Variants in UTF1 observed in about 807,000 individuals in gnomAD.
UTF1 encodes the protein undifferentiated embryonic cell transcription factor 1.
UTF1 carries 8 observed loss-of-function variants against 11.8 expected under a neutral mutation model. The ratio of observed to expected loss-of-function variants is 0.68; its 90% CI spans 0.40 to 1.23. The LOEUF is 1.23. UTF1 is among the 50% of genes most tolerant of loss of function. The pLI is 0.01. For synonymous variants in UTF1, 344 were observed against 271.7 expected, an observed-to-expected ratio of 1.27 and a Z score of -2.62; for missense variants, 545 against 542.1, an observed-to-expected ratio of 1.01 and a Z score of -0.05.
Position 133,231,316 on chromosome 10 carries a change from G to C in UTF1, c.900G>C (p.Leu300=), listed in dbSNP as rs747299259. The C allele has an allele frequency of 8.8e-6, 14 of 1,598,340 alleles. No individual in the cohort carries two copies. Among genetic ancestry groups the C allele is most frequent in the Admixed American group, 1.7e-5 (1 of 58,986 alleles). ...TCCTGGGCCCGCTGCGCGACCAGCT[G>C]CTGACCTTGAACCAGCACGTGGAGC... ...ANILGPLRDQ[L]LTLNQHVEQL... is the part of the protein sequence containing the mutation. Residue 300 remains leucine (L), a synonymous_variant, in exon 2 of 2, where the codon CTG becomes CTC. Transcript: ENST00000304477.
In UTF1 at chr10:133,230,579, C is replaced by T. The variant is rs1427896629; in HGVS notation, c.291C>T (p.Arg97=). ...GCCAGGCCCTGCCCACCTACCGCCG[C>T]GTGTCGGCCGCGCTGGCCCAGCAGC... ...DRRQALPTYR[R]VSAALAQQQV... is the part of the protein sequence containing the mutation. The change falls in exon 1 of 2, where the codon CGC becomes CGT. Residue 97 remains arginine, a synonymous_variant. Transcript: ENST00000304477. 3 of 1,406,456 alleles carry T rather than the reference C, an allele frequency of 2.1e-6. No homozygotes were observed. Among genetic ancestry groups the T allele is most frequent in the Non-Finnish European group, 2.8e-6 (3 of 1,085,648 alleles). 87.1% of individuals were successfully genotyped at this position (1,406,456 alleles called of 1,614,324 possible).
chr10:133,231,233 C>A lies in UTF1; in HGVS notation c.817C>A (p.Pro273Thr), dbSNP rs749598849. 3.2e-4 allele frequency: 492 copies of A among 1,538,986 alleles called. No homozygotes were observed. The highest frequency in any genetic ancestry group is 3.9e-4 in the Non-Finnish European group (446 of 1,148,940). The stretch of plus-strand genomic sequence containing the variant: ...CTGCGCGCCCCCTCCGGCCGCGCCC[C>A]CGTCGCTGAACACCGCCCTGCTGCA... ...EDCAPPPAAP[P>T]SLNTALLQTL... The change falls in exon 2 of 2, where the codon CCG (proline) becomes ACG (threonine). Residue 273 changes from proline to threonine, a missense_variant. By Grantham distance (38) the Pro-to-Thr change is conservative. Coordinates refer to ENST00000304477, the MANE Select transcript of UTF1 (RefSeq NM_003577.3).
Position 133,230,663 on chromosome 10 carries a change from T to C in UTF1, c.375T>C (p.Phe125=). Residue 125 remains phenylalanine, a synonymous_variant, in exon 1 of 2, where the codon TTT becomes TTC. Coordinates refer to ENST00000304477, the MANE Select transcript of UTF1 (RefSeq NM_003577.3). ...RRRYKFLKDK[F]REAHGQPPGP... ...GCTACAAGTTCCTTAAAGACAAGTT[T>C]CGCGAGGCGCACGGCCAGCCGCCCG... is the stretch of plus-strand genomic sequence containing the variant. 1 of 1,489,066 alleles carries C rather than the reference T, an allele frequency of 6.7e-7. No individual in the cohort carries two copies. Among genetic ancestry groups the C allele is most frequent in the South Asian group, 1.3e-5 (1 of 78,680 alleles). 92.2% of individuals were successfully genotyped at this position (1,489,066 alleles called of 1,614,324 possible). A position where few individuals can be genotyped will look rare whatever the true frequency, so the allele number is the denominator to read the frequency against.
At position 133,231,507 on chromosome 10, in the gene UTF1, C is replaced by A; in HGVS notation, c.*65C>A. 1 of 1,239,100 alleles carries A rather than the reference C, an allele frequency of 8.1e-7. No homozygotes were observed. The highest frequency in any genetic ancestry group is 1.1e-6 in the Non-Finnish European group (1 of 938,920). The allele number at this position is 1,239,100 out of a possible 1,614,324, so 76.8% of individuals were successfully genotyped here. On this transcript the variant is annotated 3_prime_UTR_variant, in exon 2 of 2. Transcript: ENST00000304477. ...CCCTCCGCCCTGACCCCTCCTGCTGCCTTCCCACCCCCGTTCTTGGGTATG... is the reference window on the plus strand; with the variant it reads ...CCCTCCGCCCTGACCCCTCCTGCTGACTTCCCACCCCCGTTCTTGGGTATG...
chr10:133,230,434 T>C lies in UTF1; in HGVS notation c.146T>C (p.Leu49Pro). 7.2e-7 allele frequency: 1 copy of C among 1,387,420 alleles called. No individual in the cohort carries two copies. The highest frequency in any genetic ancestry group is 9.4e-7 in the Non-Finnish European group (1 of 1,068,210). 85.9% of individuals were successfully genotyped at this position (1,387,420 alleles called of 1,614,324 possible). A position where few individuals can be genotyped will look rare whatever the true frequency, so the allele number is the denominator to read the frequency against. The change falls in exon 1 of 2, where the codon CTC becomes CCC. Residue 49 changes from leucine to proline, a missense_variant. Leu to Pro is a moderately conservative substitution (Grantham distance 98). This residue lies in a region of UTF1 where 129 missense variants were observed against 148.5 expected (regional missense o/e 0.87). Coordinates refer to ENST00000304477, the MANE Select transcript of UTF1 (RefSeq NM_003577.3). ...RPASPSALGE[L>P]GLPVSPGSAQ... ...GCCTCGCCCAGCGCGCTGGGGGAAC[T>C]CGGGTTGCCGGTGTCCCCGGGCTCG... is the stretch of plus-strand genomic sequence containing the variant.
rs1181836201 is a variant in UTF1, at chr10:133,231,042, C to G, written c.626C>G (p.Pro209Arg). Residue 209 changes from proline (P) to arginine (R), a missense_variant, in exon 2 of 2, where the codon CCG becomes CGG. By Grantham distance (103) the Pro-to-Arg change is moderately radical. Coordinates refer to ENST00000304477, the MANE Select transcript of UTF1 (RefSeq NM_003577.3). ...ACGCTCCGCTTCAGCCCGTCCCCAC[C>G]GAAGTCTGCGGACGCCTCCCCCGCC... ...TWTLRFSPSP[P>R]KSADASPAPG... The G allele has an allele frequency of 1.5e-6, 2 of 1,312,304 alleles. No homozygotes were observed. Among genetic ancestry groups the G allele is most frequent in the Non-Finnish European group, 1.9e-6 (2 of 1,035,694 alleles). 81.3% of individuals were successfully genotyped at this position (1,312,304 alleles called of 1,614,324 possible).
In UTF1 at chr10:133,230,382, GC is replaced by G. The variant is rs1294482606; in HGVS notation, c.98del (p.Pro33ArgfsTer243). 3 of 1,263,340 alleles carry G rather than the reference GC, an allele frequency of 2.4e-6. No individual in the cohort carries two copies. Among genetic ancestry groups the G allele is most frequent in the Non-Finnish European group, 2.0e-6 (2 of 1,001,766 alleles). 78.3% of individuals were successfully genotyped at this position (1,263,340 alleles called of 1,614,324 possible). A position where few individuals can be genotyped will look rare whatever the true frequency, so the allele number is the denominator to read the frequency against. ...PDPEPRTPGD[A>X]PGTPPRRPAS... ...CCCCGAGCCGCGGACACCCGGAGAC[GC>G]CCCGGGGACCCCGCCCCGGAGGCCC... On this transcript the variant is annotated frameshift_variant, in exon 1 of 2. Transcript: ENST00000304477. LOFTEE classifies it high-confidence loss of function.
In UTF1 at chr10:133,231,121, G is replaced by C; in HGVS notation, c.705G>C (p.Glu235Asp). The change falls in exon 2 of 2, where the codon GAG (glutamate) becomes GAC (aspartate). Residue 235 changes from glutamate to aspartate, a missense_variant. Glu to Asp is a conservative substitution (Grantham distance 45, BLOSUM62 2). Coordinates refer to ENST00000304477, the MANE Select transcript of UTF1 (RefSeq NM_003577.3). ...APTALATCIP[E>D]DRAPVRGPGS... ...CCGCCCTCGCCACCTGCATCCCCGA[G>C]GACCGCGCGCCCGTCCGCGGCCCCG... 2.4e-6 allele frequency: 3 copies of C among 1,244,078 alleles called. No homozygotes were observed. The highest frequency in any genetic ancestry group is 3.0e-6 in the Non-Finnish European group (3 of 998,280). The allele number at this position is 1,244,078 out of a possible 1,614,324, so 77.1% of individuals were successfully genotyped here.
In UTF1 at chr10:133,230,820, C is replaced by G. The variant is rs1368293922; in HGVS notation, c.532C>G (p.Pro178Ala). 1.1e-5 allele frequency: 14 copies of G among 1,309,926 alleles called. No individual in the cohort carries two copies. Among genetic ancestry groups the G allele is most frequent in the Non-Finnish European group, 1.3e-5 (14 of 1,038,130 alleles). The allele number at this position is 1,309,926 out of a possible 1,614,324, so 81.1% of individuals were successfully genotyped here. A position where few individuals can be genotyped will look rare whatever the true frequency, so the allele number is the denominator to read the frequency against. ...CCGCCCGGTCCCCAACGCGCACGCG[C>G]CGGCTCCCAGCGAACCAGGTAGGCG... ...ARRPVPNAHA[P>A]APSEPDATPL... is the part of the protein sequence containing the mutation. Residue 178 changes from proline to alanine, a missense_variant, in exon 1 of 2, where the codon CCG (proline) becomes GCG (alanine). Around this residue, in one of 3 missense-constraint regions of UTF1, gnomAD observed 394 missense variants for 341.5 expected, o/e 1.15. Transcript: ENST00000304477.
Position 133,231,120 on chromosome 10 carries a change from A to G in UTF1, c.704A>G (p.Glu235Gly). The G allele has an allele frequency of 8.3e-7, 1 of 1,210,738 alleles. No homozygotes were observed. The highest frequency in any genetic ancestry group is 1.0e-6 in the Non-Finnish European group (1 of 979,904). The allele number at this position is 1,210,738 out of a possible 1,614,324, so 75.0% of individuals were successfully genotyped here. Residue 235 changes from glutamate to glycine, a missense_variant, in exon 2 of 2, where the codon GAG becomes GGG. By Grantham distance (98) the Glu-to-Gly change is moderately conservative. Around this residue, in one of 3 missense-constraint regions of UTF1, gnomAD observed 394 missense variants for 341.5 expected, o/e 1.15. Coordinates refer to ENST00000304477, the MANE Select transcript of UTF1 (RefSeq NM_003577.3). Reference protein sequence around the residue: ...APTALATCIPEDRAPVRGPGS... With the variant: ...APTALATCIPGDRAPVRGPGS... ...ACCGCCCTCGCCACCTGCATCCCCG[A>G]GGACCGCGCGCCCGTCCGCGGCCCC...
In UTF1 at chr10:133,230,423, G is replaced by A; in HGVS notation, c.135G>A (p.Ala45=). 7.3e-7 allele frequency: 1 copy of A among 1,373,030 alleles called. No homozygotes were observed. Among genetic ancestry groups the A allele is most frequent in the South Asian group, 1.5e-5 (1 of 65,662 alleles). The allele number at this position is 1,373,030 out of a possible 1,614,324, so 85.1% of individuals were successfully genotyped here. A position where few individuals can be genotyped will look rare whatever the true frequency, so the allele number is the denominator to read the frequency against. Residue 45 remains alanine, a synonymous_variant, in exon 1 of 2, where the codon GCG becomes GCA. Coordinates refer to ENST00000304477, the MANE Select transcript of UTF1 (RefSeq NM_003577.3). ...TPPRRPASPS[A]LGELGLPVSP... ...CCCGGAGGCCCGCCTCGCCCAGCGC[G>A]CTGGGGGAACTCGGGTTGCCGGTGT...
chr10:133,231,473 G>C lies in UTF1; in HGVS notation c.*31G>C. 7.1e-7 allele frequency: 1 copy of C among 1,406,174 alleles called. No homozygotes were observed. Among genetic ancestry groups the C allele is most frequent in the Non-Finnish European group, 9.3e-7 (1 of 1,079,036 alleles). The allele number at this position is 1,406,174 out of a possible 1,614,324, so 87.1% of individuals were successfully genotyped here. A position where few individuals can be genotyped will look rare whatever the true frequency, so the allele number is the denominator to read the frequency against. ...GGCTGCGGCCAGTCTCCCCTCTCCA[G>C]GCCGAGGCCCCTCCGCCCTGACCCC... On this transcript the variant is annotated 3_prime_UTR_variant, in exon 2 of 2. Transcript: ENST00000304477.
In UTF1 at chr10:133,231,170, C is replaced by T. The variant is rs1308632315; in HGVS notation, c.754C>T (p.Arg252Cys). The change falls in exon 2 of 2, where the codon CGC becomes TGC. Residue 252 changes from arginine to cysteine, a missense_variant. This residue lies in a region of UTF1 where 394 missense variants were observed against 341.5 expected (regional missense o/e 1.15). Transcript: ENST00000304477. ...CGGGTCCCCGCCGCCACCCCCGGCC[C>T]GCGAAGACCCCGACTCGCCGCCCGG... Reference protein sequence around the residue: ...GPGSPPPPPAREDPDSPPGRP... With the variant: ...GPGSPPPPPACEDPDSPPGRP... 2 of 1,301,618 alleles carry T rather than the reference C, an allele frequency of 1.5e-6. No individual in the cohort carries two copies. Among genetic ancestry groups the T allele is most frequent in the South Asian group, 2.3e-5 (1 of 42,696 alleles). 80.6% of individuals were successfully genotyped at this position (1,301,618 alleles called of 1,614,324 possible).
rs1437738789 is a variant in UTF1, at chr10:133,230,405, G to A, written c.117G>A (p.Arg39=). The change falls in exon 1 of 2, where the codon AGG becomes AGA. Residue 39 remains arginine (R), a synonymous_variant. Coordinates refer to ENST00000304477, the MANE Select transcript of UTF1 (RefSeq NM_003577.3). The part of the protein sequence containing the change: ...PGDAPGTPPR[R]PASPSALGEL... ...ACGCCCCGGGGACCCCGCCCCGGAG[G>A]CCCGCCTCGCCCAGCGCGCTGGGGG... is the stretch of plus-strand genomic sequence containing the variant. 3 of 1,325,200 alleles carry A rather than the reference G, an allele frequency of 2.3e-6. No homozygotes were observed. The highest frequency in any genetic ancestry group is 3.4e-5 in the East Asian group (1 of 29,228). The allele number at this position is 1,325,200 out of a possible 1,614,324, so 82.1% of individuals were successfully genotyped here. A position where few individuals can be genotyped will look rare whatever the true frequency, so the allele number is the denominator to read the frequency against.
At position 133,230,396 on chromosome 10, in the gene UTF1, G is replaced by T; in HGVS notation, c.108G>T (p.Pro36=). ...PRTPGDAPGT[P]PRRPASPSAL... ...CACCCGGAGACGCCCCGGGGACCCCGCCCCGGAGGCCCGCCTCGCCCAGCG... is the reference window on the plus strand; with the variant it reads ...CACCCGGAGACGCCCCGGGGACCCCTCCCCGGAGGCCCGCCTCGCCCAGCG... Residue 36 remains proline (P), a synonymous_variant, in exon 1 of 2, where the codon CCG becomes CCT. Transcript: ENST00000304477. 2.3e-6 allele frequency: 3 copies of T among 1,295,682 alleles called. No homozygotes were observed. The highest frequency in any genetic ancestry group is 1.9e-5 in the South Asian group (1 of 51,408). The allele number at this position is 1,295,682 out of a possible 1,614,324, so 80.3% of individuals were successfully genotyped here.
At position 133,230,436 on chromosome 10, in the gene UTF1, G is replaced by C; in HGVS notation, c.148G>C (p.Gly50Arg). ...CTCGCCCAGCGCGCTGGGGGAACTC[G>C]GGTTGCCGGTGTCCCCGGGCTCGGC... ...PASPSALGEL[G>R]LPVSPGSAQR... is the part of the protein sequence containing the mutation. Residue 50 changes from glycine to arginine, a missense_variant, in exon 1 of 2, where the codon GGG (glycine) becomes CGG (arginine). Around this residue, in one of 3 missense-constraint regions of UTF1, gnomAD observed 129 missense variants for 148.5 expected, o/e 0.87. Coordinates refer to ENST00000304477, the MANE Select transcript of UTF1 (RefSeq NM_003577.3). 1 of 1,389,992 alleles carries C rather than the reference G, an allele frequency of 7.2e-7. No homozygotes were observed. The highest frequency in any genetic ancestry group is 9.3e-7 in the Non-Finnish European group (1 of 1,069,610). The allele number at this position is 1,389,992 out of a possible 1,614,324, so 86.1% of individuals were successfully genotyped here. A position where few individuals can be genotyped will look rare whatever the true frequency, so the allele number is the denominator to read the frequency against.
chr10:133,230,255 T>TC lies in UTF1; in HGVS notation c.-30dup. 9.6e-7 allele frequency: 1 copy of TC among 1,038,028 alleles called. No individual in the cohort carries two copies. The highest frequency in any genetic ancestry group is 1.2e-6 in the Non-Finnish European group (1 of 866,462). The allele number at this position is 1,038,028 out of a possible 1,614,324, so 64.3% of individuals were successfully genotyped here. A position where few individuals can be genotyped will look rare whatever the true frequency, so the allele number is the denominator to read the frequency against. The stretch of plus-strand genomic sequence containing the variant: ...GCGGCCCGGGCGGCGTCTGGCCCTC[T>TC]CCCCATCCTCGCGCGCCGCGCCCCA... On this transcript the variant is annotated 5_prime_UTR_variant, in exon 1 of 2. Transcript: ENST00000304477.
chr10:133,230,759 C>A lies in UTF1; in HGVS notation c.471C>A (p.Arg157=). Residue 157 remains arginine (R), a synonymous_variant, in exon 1 of 2, where the codon CGC becomes CGA. Coordinates refer to ENST00000304477, the MANE Select transcript of UTF1 (RefSeq NM_003577.3). ...ACAACGGGCGCAAACGGCCTCGCCG[C>A]CGCTCCCCGGGGTCCGGGCGCCCCC... ...LGDNGRKRPR[R]RSPGSGRPQR... 1 of 1,394,412 alleles carries A rather than the reference C, an allele frequency of 7.2e-7. No individual in the cohort carries two copies. The highest frequency in any genetic ancestry group is 1.5e-5 in the South Asian group (1 of 64,772). 86.4% of individuals were successfully genotyped at this position (1,394,412 alleles called of 1,614,324 possible).
rs770999109 is a variant in UTF1 at position 133,230,801 on chromosome 10, G to C, written c.513G>C (p.Pro171=). Residue 171 remains proline, a synonymous_variant, in exon 1 of 2, where the codon CCG becomes CCC. Transcript: ENST00000304477. The stretch of plus-strand genomic sequence containing the variant: ...GGCGCCCCCAGCGCGCCCGCCGCCC[G>C]GTCCCCAACGCGCACGCGCCGGCTC... ...GSGRPQRARR[P]VPNAHAPAPS... The C allele has an allele frequency of 4.5e-6, 6 of 1,322,690 alleles. No homozygotes were observed. Among genetic ancestry groups the C allele is most frequent in the South Asian group, 2.1e-5 (1 of 47,958 alleles). 81.9% of individuals were successfully genotyped at this position (1,322,690 alleles called of 1,614,324 possible). A position where few individuals can be genotyped will look rare whatever the true frequency, so the allele number is the denominator to read the frequency against.
Sources: gnomAD v4.1 joint callset for allele counts on GRCh38, gnomAD v4.1.1 for gene constraint, gnomAD v4.1.1 regional missense constraint, MANE v1.5 for transcripts, NCBI Gene and HGNC (gene_info 2026-07-23, HGNC 2026-07-21) for gene names.